CTBP1: variants seen among roughly 807,000 people sequenced by gnomAD.
The protein encoded by CTBP1 is C-terminal-binding protein 1.
Under a neutral mutation model 42.1 loss-of-function variants are expected in CTBP1, and 11 were observed. The observed-to-expected ratio is 0.26, with a 90% confidence interval of 0.16 to 0.43. The LOEUF is 0.43. Ranked by LOEUF, CTBP1 falls within the 20% of genes least tolerant of loss-of-function variation. The probability of loss-of-function intolerance (pLI) is 1.00; values close to 1 mark genes in which losing one functional copy is unlikely to be tolerated. For missense variants in CTBP1, 399 were observed against 624.3 expected (o/e 0.64, Z 3.85); for synonymous variants, 324 against 277.1 (o/e 1.17, Z -1.68).
intron 5 of CTBP1, among the ~76,000 whole-genome samples, chr4:1,222,725 AG>A (rs541349762): frequency 1.3e-5 from 2 of 152,200 alleles, no homozygotes; most frequent in Non-Finnish European, 2.9e-5. Context: ...GGGCCCTGGG[AG>A]GGGCTGGTTG....
intron 3 of CTBP1, chr4:1,236,397 C>T (rs1333419577): frequency 9.3e-6 from 5 of 536,694 alleles, no homozygotes; most frequent in Middle Eastern, 5.1e-4. Flanking sequence ...ATGCCGAGAC[C>T]GCCCGTGTGA....
Position 1,213,493 on chromosome 4 carries a change from G to A in CTBP1, c.973C>T (p.Arg325Cys), listed in dbSNP as rs1728762489. The A allele has an allele frequency of 1.9e-6, 3 of 1,611,870 alleles. No homozygotes were observed. The highest frequency in any genetic ancestry group is 2.5e-6 in the Non-Finnish European group (3 of 1,179,876). Residue 325 changes from arginine (R) to cysteine (C), a missense_variant, in exon 8 of 10, where the codon CGC (arginine) becomes TGC (cysteine). Physicochemically the swap from Arg to Cys is radical, Grantham distance 180. Around this residue, in one of 4 missense-constraint regions of CTBP1, gnomAD observed 309 missense variants for 497.5 expected, o/e 0.62. Transcript: ENST00000382952. ...CCACGCCCACCTGTGATGGCTCTGC[G>A]GATCTCCCGTGCCGCCTCCTCTCGC... is the stretch of plus-strand genomic sequence containing the variant. ...EMREEAAREIRRAITGRIPDS... is the reference protein window; with the variant it reads ...EMREEAAREICRAITGRIPDS...
At chr4:1,215,658 C>T (rs556027914) in intron 6 of CTBP1, 2 of 372,714 alleles carry the variant, frequency 5.4e-6, no homozygotes, top group Non-Finnish European at 1.0e-5. Flanking sequence ...CCTGGCAGCA[C>T]GGAAGTCACA....
chr4:1,226,835 C>G (rs1420456281), intron 4 of CTBP1, among the ~76,000 whole-genome samples: 1 of 151,724 alleles, frequency 6.6e-6, no homozygotes, highest in Non-Finnish European at 1.5e-5. Context: ...CCGGCGGAAG[C>G]AGCTGAAGCC....
In CTBP1 at chr4:1,243,868, G is replaced by A. The variant is rs565413363; in HGVS notation, c.-188-2349C>T. 2.8e-4 allele frequency: 273 copies of A among 985,438 alleles called. 1 individual carries two copies. In the South Asian group the frequency reaches 8.0e-3, roughly 29 times the overall value. 61.0% of individuals were successfully genotyped at this position (985,438 alleles called of 1,614,324 possible). ...AGCCGCACACGGCTCTCAGCCCAGCGACACGAGGACAGTCTCCAGCTTCTC... is the reference window on the plus strand; with the variant it reads ...AGCCGCACACGGCTCTCAGCCCAGCAACACGAGGACAGTCTCCAGCTTCTC... On this transcript the variant is annotated intron_variant, in intron 1 of 9. Transcript: ENST00000382952.
At chr4:1,215,970 T>G in intron 6 of CTBP1, 21 bp downstream of exon 6, 1 of 1,593,030 alleles carries the variant, frequency 6.3e-7, no homozygotes, top group Non-Finnish European at 8.5e-7. Flanking sequence ...AGTAGAGTCC[T>G]GTGTCCCCGG....
At chr4:1,243,633 T>C in intron 1 of CTBP1, 1 of 985,448 alleles carries the variant, frequency 1.0e-6, no homozygotes, top group Non-Finnish European at 1.2e-6. Context: ...GTCCGAGTCC[T>C]GGAGCCCTCA....
chr4:1,222,033 A>G (rs1341124907), intron 5 of CTBP1, among the ~76,000 whole-genome samples: 1 of 152,148 alleles, frequency 6.6e-6, no homozygotes, highest in Non-Finnish European at 1.5e-5. Context: ...TGTAGCCACC[A>G]CACACGCGGA....
chr4:1,219,104 G>C (rs1407985145), intron 5 of CTBP1, among the ~76,000 whole-genome samples: 1 of 152,202 alleles, frequency 6.6e-6, no homozygotes, highest in African/African-American at 2.4e-5. Flanking sequence ...GGCCAAGGCA[G>C]GGTGACCACT....
rs765935039 is a variant in CTBP1 at position 1,238,144 on chromosome 4, G to A, written c.162+39C>T. The A allele has an allele frequency of 4.3e-6, 7 of 1,612,024 alleles. 1 individual carries two copies. The highest frequency in any genetic ancestry group is 3.3e-5 in the South Asian group (3 of 91,054). On this transcript the variant is annotated intron_variant, in intron 3 of 9. Transcript: ENST00000382952. This position sits in a 1 kb window ranked among gnomAD's most constrained non-coding sequence, Gnocchi z 5.9. ...TCCCGTCCCTCCAACTCCCCCCAACGTGCGGTTCTGCCAGCCCCAGGCGAC... is the reference window on the plus strand; with the variant it reads ...TCCCGTCCCTCCAACTCCCCCCAACATGCGGTTCTGCCAGCCCCAGGCGAC...
chr4:1,225,231 C>T, intron 5 of CTBP1, 129 bp downstream of exon 5: 1 of 1,123,506 alleles, frequency 8.9e-7, no homozygotes, highest in Admixed American at 2.5e-5. Flanking sequence ...GCACTCAGTC[C>T]TGTCCTGGGT....
At chr4:1,242,260 C>G (rs1055246777) in intron 1 of CTBP1, 16 of 985,292 alleles carry the variant, frequency 1.6e-5, no homozygotes, top group Non-Finnish European at 1.8e-5. Flanking sequence ...TCGCCCAGCC[C>G]TCGGGAGGGT....
At chr4:1,213,161 G>T in intron 8 of CTBP1, 131 bp from the exon 9 acceptor site, 1 of 835,688 alleles carries the variant, frequency 1.2e-6, no homozygotes, top group Non-Finnish European at 1.9e-6. Context: ...GGGCTCCCAA[G>T]GCACGGCAGG....
chr4:1,248,682 A>G (rs1373484427), intron 1 of CTBP1: 18 of 980,632 alleles, frequency 1.8e-5, no homozygotes, highest in African/African-American at 5.4e-5. Flanking sequence ...GCGGGCGGGG[A>G]GAGCAGACTG....
rs750734000 is a variant in CTBP1, at chr4:1,216,041, C to T, written c.679G>A (p.Gly227Ser). ...FHSDCVTLHC[G>S]LNEHNHHLIN... ...AGGTGGTGGTTGTGCTCGTTGAGGC[C>T]GCAGTGCAGGGTCACGCAGTCGCTG... The change falls in exon 6 of 10, where the codon GGC (glycine) becomes AGC (serine). Residue 227 changes from glycine to serine, a missense_variant. Around this residue, in one of 4 missense-constraint regions of CTBP1, gnomAD observed 309 missense variants for 497.5 expected, o/e 0.62. Transcript: ENST00000382952. 245 of 1,611,566 alleles carry T rather than the reference C, an allele frequency of 1.5e-4. No homozygotes were observed. Among genetic ancestry groups the T allele is most frequent in the Non-Finnish European group, 1.9e-4 (222 of 1,179,882 alleles).
chr4:1,214,354 C>T lies in CTBP1; in HGVS notation c.849G>A (p.Ser283=), dbSNP rs764484563. 2.4e-5 allele frequency: 37 copies of T among 1,565,490 alleles called. No homozygotes were observed. Among genetic ancestry groups the T allele is most frequent in the African/African-American group, 4.2e-5 (3 of 71,492 alleles). Residue 283 remains serine, a synonymous_variant, in exon 7 of 10, where the codon TCG becomes TCA. Coordinates refer to ENST00000382952, the MANE Select transcript of CTBP1 (RefSeq NM_001012614.2). ...IRGAALDVHE[S]EPFSFSQGPL... ...GGCCGTGGGGGCACCTGAAGGGTTC[C>T]GACTCGTGCACATCCAGGGCCGCGC... is the stretch of plus-strand genomic sequence containing the variant.
rs1732168403 is a variant in CTBP1 at position 1,241,468 on chromosome 4, A to C, written c.-137T>G. 2 of 1,604,320 alleles carry C rather than the reference A, an allele frequency of 1.2e-6. No homozygotes were observed. The highest frequency in any genetic ancestry group is 4.5e-5 in the East Asian group (2 of 44,836). ...TTAATTGTCTCGAGCCAAAGTGCTCAGGCTTCTGATCCGCGGCAATCACTG... is the reference window on the plus strand; with the variant it reads ...TTAATTGTCTCGAGCCAAAGTGCTCCGGCTTCTGATCCGCGGCAATCACTG... On this transcript the variant is annotated 5_prime_UTR_variant, in exon 2 of 10. Coordinates refer to ENST00000382952, the MANE Select transcript of CTBP1 (RefSeq NM_001012614.2).
intron 5 of CTBP1, chr4:1,223,290 C>G (rs115152027): frequency 0.027 from 10,230 of 379,040 alleles, 182 homozygotes; most frequent in Non-Finnish European, 0.04. Flanking sequence ...CACCTCAGGG[C>G]TCTGGGATCC....
chr4:1,240,696 A>G (rs969269102), intron 2 of CTBP1, among the ~76,000 whole-genome samples: 45 of 151,916 alleles, frequency 3.0e-4, no homozygotes, highest in African/African-American at 9.4e-4. Flanking sequence ...GCAGGTGGAG[A>G]CACCAAGCCC....
Sources: gnomAD v4.1 joint callset for allele counts (sites outside exome capture counted in the v4.1 genomes callset) on GRCh38, gnomAD v4.1.1 for gene constraint, gnomAD v4.1.1 regional missense constraint, Gnocchi (gnomAD v3.1) non-coding constraint, MANE v1.5 for transcripts, NCBI Gene and HGNC (gene_info 2026-07-23, HGNC 2026-07-21) for gene names.